Variants in FAT3 observed in about 807,000 individuals in gnomAD.
FAT3 encodes the protein protocadherin Fat 3.
In FAT3, 95 loss-of-function variants were observed where a neutral mutation model predicts 310.2. The ratio of observed to expected loss-of-function variants is 0.31; its 90% confidence interval spans 0.26 to 0.36. The LOEUF (loss-of-function observed/expected upper bound fraction) is 0.36, where lower values mean the gene tolerates loss of function less well. FAT3 is among the 10% of genes least tolerant of loss of function. The probability of loss-of-function intolerance (pLI) is 1.00; values close to 1 mark genes in which losing one functional copy is unlikely to be tolerated. For missense variants in FAT3, 5,408 were observed against 5,715.6 expected (o/e 0.95, Z 1.74); for synonymous variants, 2,314 against 2,192.9 (o/e 1.06, Z -1.54).
At position 92,837,820 on chromosome 11, in the gene FAT3, G is replaced by A. The variant is rs780727867; in HGVS notation, c.10368+14G>A. The A allele has an allele frequency of 6.2e-7, 1 of 1,613,824 alleles. No homozygotes were observed. The highest frequency in any genetic ancestry group is 8.5e-7 in the Non-Finnish European group (1 of 1,179,850). On this transcript the variant is annotated intron_variant, in intron 17 of 27. Transcript: ENST00000525166. ...GCTGTGATTCAGGTGAGAAAATCTT[G>A]CCTGCCAAGCACTTGTCCCTTTGCA...
rs375687746 is a variant in FAT3 at position 92,891,045 on chromosome 11, G to A, written c.13702G>A (p.Val4568Met). The change falls in exon 28 of 28, where the codon GTG (valine) becomes ATG (methionine). Residue 4568 changes from valine to methionine, a missense_variant. This residue lies in a region of FAT3 where 649 missense variants were observed against 666.2 expected (regional missense o/e 0.97). Coordinates refer to ENST00000525166, the MANE Select transcript of FAT3 (RefSeq NM_001367949.2). ...AGTAGCCATGAGTGACTACGAGAGC[G>A]TGGGAGAGCTCAGCCTCGCCAGCCT... The part of the protein sequence containing the change: ...SEVAMSDYES[V>M]GELSLASLHI... 2.6e-4 allele frequency: 423 copies of A among 1,613,864 alleles called. No individual in the cohort carries two copies. Among genetic ancestry groups the A allele is most frequent in the Non-Finnish European group, 3.3e-4 (395 of 1,179,856 alleles).
At chr11:92,434,961 G>T (rs1461719354) in intron 2 of FAT3, among the ~76,000 whole-genome samples, 1 of 152,176 alleles carries the variant, frequency 6.6e-6, no homozygotes, top group Non-Finnish European at 1.5e-5. Flanking sequence ...CTGAAGAAGA[G>T]ACCTAAAGAC....
At chr11:92,329,599 C>T (rs1947855379) in intron 1 of FAT3, among the ~76,000 whole-genome samples, 1 of 150,888 alleles carries the variant, frequency 6.6e-6, no homozygotes, top group African/African-American at 2.4e-5. Context: ...GGAATATGTA[C>T]ATCTTTTTAT....
chr11:92,278,322 G>C (rs1483094379), intron 1 of FAT3, among the ~76,000 whole-genome samples: 1 of 152,110 alleles, frequency 6.6e-6, no homozygotes, highest in Non-Finnish European at 1.5e-5. Context: ...CTATAGAATG[G>C]TGTTGAGACA....
chr11:92,301,773 A>C (rs1268173107), intron 1 of FAT3, among the ~76,000 whole-genome samples: 5 of 152,008 alleles, frequency 3.3e-5, no homozygotes. Context: ...TGTCCAAACT[A>C]GATCATCTTG....
intron 1 of FAT3, among the ~76,000 whole-genome samples, chr11:92,329,131 T>G (rs1202562751): frequency 6.6e-6 from 1 of 151,704 alleles, no homozygotes; most frequent in Non-Finnish European, 1.5e-5. Context: ...ATTGGTGCTA[T>G]AGTTTCAGCA....
intron 4 of FAT3, among the ~76,000 whole-genome samples, chr11:92,740,973 A>G (rs1413762858): frequency 1.3e-5 from 2 of 151,984 alleles, no homozygotes; most frequent in Admixed American, 6.6e-5. Context: ...TCCTTTACTT[A>G]TCCTGCCCTA....
intron 13 of FAT3, among the ~76,000 whole-genome samples, chr11:92,831,355 T>G (rs1948242762): frequency 6.6e-6 from 1 of 152,172 alleles, no homozygotes; most frequent in Admixed American, 6.6e-5. Context: ...TTCTTAAAGA[T>G]TTGTGGGGGG....
At chr11:92,390,894 G>A (rs1949733078) in intron 2 of FAT3, among the ~76,000 whole-genome samples, 1 of 152,140 alleles carries the variant, frequency 6.6e-6, no homozygotes, top group African/African-American at 2.4e-5. Flanking sequence ...CAATCTTGTG[G>A]TTCTGGATTG....
intron 3 of FAT3, among the ~76,000 whole-genome samples, chr11:92,670,525 G>A (rs991199268): frequency 3.3e-5 from 5 of 152,118 alleles, no homozygotes; most frequent in African/African-American, 9.7e-5. Context: ...TTAATGTGTC[G>A]AACTGCCTTG....
At chr11:92,660,262 T>C (rs184709688) in intron 3 of FAT3, among the ~76,000 whole-genome samples, 1 of 151,390 alleles carries the variant, frequency 6.6e-6, no homozygotes, top group East Asian at 2.0e-4. Context: ...CCATTTGTGC[T>C]GCTGGGACAA....
intron 3 of FAT3, among the ~76,000 whole-genome samples, chr11:92,623,853 G>T (rs1023640913): frequency 2.6e-5 from 4 of 152,090 alleles, no homozygotes; most frequent in Non-Finnish European, 5.9e-5. Flanking sequence ...TGAGGCAGGA[G>T]AATGGCGTGA....
chr11:92,808,992 T>A (rs1947589301), intron 12 of FAT3, among the ~76,000 whole-genome samples: 3 of 152,256 alleles, frequency 2.0e-5, no homozygotes, highest in African/African-American at 7.2e-5. Context: ...TAATATCTAC[T>A]AATTTTATTT....
At chr11:92,807,825 T>C (rs1947549115) in intron 12 of FAT3, among the ~76,000 whole-genome samples, 1 of 152,232 alleles carries the variant, frequency 6.6e-6, no homozygotes, top group Non-Finnish European at 1.5e-5. Flanking sequence ...CCAGAGCTAA[T>C]GGAAAAACCT....
intron 18 of FAT3, among the ~76,000 whole-genome samples, chr11:92,841,168 C>A (rs980902267): frequency 1.3e-5 from 2 of 152,092 alleles, no homozygotes; most frequent in African/African-American, 4.8e-5. Flanking sequence ...AGGAGGGGAC[C>A]AAGGACTCAG....
intron 4 of FAT3, among the ~76,000 whole-genome samples, chr11:92,718,909 C>T (rs779953851): frequency 1.3e-5 from 2 of 152,174 alleles, no homozygotes; most frequent in Non-Finnish European, 2.9e-5. Context: ...TCTGCATCTC[C>T]TAACAGTTGA....
rs564453572 is a variant in FAT3, at chr11:92,446,910, AT to A, written c.3293-77721del. Among the ~76,000 whole-genome samples the A allele has an allele frequency of 1.9e-3, 294 of 152,292 alleles. 1 individual carries two copies. The highest frequency in any genetic ancestry group is 3.1e-3 in the Non-Finnish European group (209 of 68,026). On this transcript the variant is annotated intron_variant, in intron 2 of 27. Transcript: ENST00000525166. The stretch of plus-strand genomic sequence containing the variant: ...TCAGAGGAAATATCTGCAAATAGTC[AT>A]TTGAGTTGATAGATTTGAACTTGCA...
rs2136446862 is a variant in FAT3, at chr11:92,890,806, T to C, written c.13463T>C (p.Phe4488Ser). ...LSPDCRRRPQ[F>S]HPSQYLPPHP... is the part of the protein sequence containing the mutation. The stretch of plus-strand genomic sequence containing the variant: ...CCAGACTGCAGGAGAAGGCCCCAGT[T>C]TCATCCTAGCCAGTATCTCCCTCCT... Residue 4488 changes from phenylalanine (F) to serine (S), a missense_variant, in exon 28 of 28, where the codon TTT becomes TCT. Physicochemically the swap from Phe to Ser is radical, Grantham distance 155. This residue lies in a region of FAT3 where 649 missense variants were observed against 666.2 expected (regional missense o/e 0.97). Transcript: ENST00000525166. The C allele has an allele frequency of 6.2e-7, 1 of 1,613,822 alleles. No individual in the cohort carries two copies. Among genetic ancestry groups the C allele is most frequent in the Non-Finnish European group, 8.5e-7 (1 of 1,179,846 alleles).
At chr11:92,637,869 A>C (rs1317993374) in intron 3 of FAT3, among the ~76,000 whole-genome samples, 1 of 152,226 alleles carries the variant, frequency 6.6e-6, no homozygotes, top group Non-Finnish European at 1.5e-5. Flanking sequence ...AAATAAATGA[A>C]CCAGCCTGTC....
Sources: gnomAD v4.1 joint callset for allele counts (sites outside exome capture counted in the v4.1 genomes callset) on GRCh38, gnomAD v4.1.1 for gene constraint, gnomAD v4.1.1 regional missense constraint, MANE v1.5 for transcripts, NCBI Gene and HGNC (gene_info 2026-07-23, HGNC 2026-07-21) for gene names.